ARHGAP32: variants seen among roughly 807,000 people sequenced by gnomAD.
ARHGAP32 encodes the protein Rho GTPase activating protein 32, also known as rho GTPase-activating protein 32.
A neutral mutation model predicts 186.5 loss-of-function variants in ARHGAP32; 51 were observed. That is an observed-to-expected ratio of 0.27 (90% CI 0.22 to 0.35). The LOEUF is 0.35. ARHGAP32 is among the 10% of genes least tolerant of loss of function. The probability of loss-of-function intolerance (pLI) is 1.00; values close to 1 mark genes in which losing one functional copy is unlikely to be tolerated. For synonymous variants in ARHGAP32, 950 were observed against 964.3 expected, an observed-to-expected ratio of 0.99 and a Z score of 0.27; for missense variants, 2,186 against 2,623.5, an observed-to-expected ratio of 0.83 and a Z score of 3.64.
chr11:129,223,725 A>G (rs1944743667), intron 1 of ARHGAP32, among the ~76,000 whole-genome samples: 1 of 152,218 alleles, frequency 6.6e-6, no homozygotes, highest in South Asian at 2.1e-4. Context: ...ATCCACAGCA[A>G]AACAAAAAGT....
chr11:129,124,974 A>G, intron 2 of ARHGAP32, 80 bp from the exon 3 acceptor site: 1 of 1,037,968 alleles, frequency 9.6e-7, no homozygotes, highest in African/African-American at 1.6e-5. Context: ...AATTTATGTT[A>G]ATAGTTCTGC....
In ARHGAP32 at chr11:128,969,485, G is replaced by A. The variant is rs1170742059; in HGVS notation, c.5728C>T (p.Pro1910Ser). The A allele has an allele frequency of 3.1e-6, 5 of 1,614,172 alleles. No homozygotes were observed. The South Asian group carries it at 3.3e-5, about 11-fold the overall frequency. The change falls in exon 23 of 23, where the codon CCT becomes TCT. Residue 1910 changes from proline (P) to serine (S), a missense_variant. Physicochemically the swap from Pro to Ser is moderately conservative, Grantham distance 74 (BLOSUM62 -1). This residue lies in a region of ARHGAP32 where 1,502 missense variants were observed against 1,570.0 expected (regional missense o/e 0.96). Coordinates refer to ENST00000682385, the MANE Select transcript of ARHGAP32 (RefSeq NM_001378024.1). This position sits in a 1 kb window ranked among gnomAD's most constrained non-coding sequence, Gnocchi z 4.8. ...RQFCESKNGP[P>S]YPQGAGQLDY... ...AACTGGCCAGCTCCCTGGGGATAAG[G>A]GGGCCCATTCTTTGACTCACAGAAC...
intron 1 of ARHGAP32, among the ~76,000 whole-genome samples, chr11:129,174,160 T>C (rs930278861): frequency 9.9e-5 from 15 of 152,284 alleles, no homozygotes; most frequent in African/African-American, 3.4e-4. Context: ...TTCCCTTTCC[T>C]AGTCAAAGAA....
chr11:129,204,811 C>T (rs1212438469), intron 1 of ARHGAP32, among the ~76,000 whole-genome samples: 1 of 152,162 alleles, frequency 6.6e-6, no homozygotes, highest in East Asian at 1.9e-4. Flanking sequence ...AAGCTAAATG[C>T]TGTACTTTTA....
At chr11:129,043,340 A>G (rs1939670506) in intron 10 of ARHGAP32, among the ~76,000 whole-genome samples, 1 of 150,566 alleles carries the variant, frequency 6.6e-6, no homozygotes, top group African/African-American at 2.4e-5. Flanking sequence ...CTTGTGGTAA[A>G]GGCTCTAACA....
chr11:129,185,026 C>T (rs183832995), intron 1 of ARHGAP32, among the ~76,000 whole-genome samples: 14 of 152,272 alleles, frequency 9.2e-5, no homozygotes, highest in Admixed American at 3.9e-4. Flanking sequence ...AGTTCAACCA[C>T]TGTGGAAGTA....
upstream of ARHGAP32, among the ~76,000 whole-genome samples, chr11:129,195,821 G>A (rs1944383818): frequency 6.6e-6 from 1 of 152,226 alleles, no homozygotes; most frequent in South Asian, 2.1e-4. Context: ...ACAGGTGATG[G>A]TTAACAGCGG....
At chr11:129,021,346 C>G (rs1174877469) in intron 11 of ARHGAP32, among the ~76,000 whole-genome samples, 23 of 152,096 alleles carry the variant, frequency 1.5e-4, no homozygotes, top group Non-Finnish European at 5.9e-5. Context: ...TCCAGCACAA[C>G]TCATGTTGAA....
Position 128,973,365 on chromosome 11 carries a change from T to C in ARHGAP32, c.3141A>G (p.Pro1047=), listed in dbSNP as rs1263833913. ...PVSSVSLIPP[P]PPPKNVARML... ...TTCGGGCAACATTTTTCGGAGGCGG[T>C]GGTGGTGGGATAAGAGAGACTGAAC... Residue 1047 remains proline, a synonymous_variant, in exon 22 of 23, where the codon CCA becomes CCG. Transcript: ENST00000682385. 6.2e-7 allele frequency: 1 copy of C among 1,613,642 alleles called. No individual in the cohort carries two copies. Among genetic ancestry groups the C allele is most frequent in the Non-Finnish European group, 8.5e-7 (1 of 1,179,948 alleles).
intron 2 of ARHGAP32, among the ~76,000 whole-genome samples, chr11:129,140,299 A>G (rs1020076709): frequency 2.0e-5 from 3 of 152,124 alleles, no homozygotes; most frequent in Non-Finnish European, 4.4e-5. Context: ...GCAGATGAGA[A>G]CCCAGCCCAG....
chr11:128,998,621 C>T (rs2134736129), intron 11 of ARHGAP32, among the ~76,000 whole-genome samples, 153 bp from the exon 12 acceptor site: 1 of 152,270 alleles, frequency 6.6e-6, no homozygotes, highest in African/African-American at 2.4e-5. Flanking sequence ...CAAGTTTAAG[C>T]TAAGAGTTGT....
At chr11:129,131,604 C>T (rs964191545) in intron 2 of ARHGAP32, among the ~76,000 whole-genome samples, 14 of 151,980 alleles carry the variant, frequency 9.2e-5, no homozygotes, top group Non-Finnish European at 2.9e-5. Context: ...CGTAAGAACT[C>T]GCTCACTATG....
chr11:129,098,441 C>T (rs549497477), intron 5 of ARHGAP32, among the ~76,000 whole-genome samples: 22 of 149,480 alleles, frequency 1.5e-4, no homozygotes, highest in East Asian at 9.8e-4. Context: ...TTTTTTGAGA[C>T]GGAGTCTTGC....
intron 2 of ARHGAP32, chr11:129,125,787 C>A: frequency 2.9e-6 from 1 of 345,750 alleles, no homozygotes. Flanking sequence ...TTCAATTTTC[C>A]TTTTTGAGGG....
At chr11:129,200,917 T>C (rs538345164) in intron 1 of ARHGAP32, among the ~76,000 whole-genome samples, 1 of 152,134 alleles carries the variant, frequency 6.6e-6, no homozygotes, top group Non-Finnish European at 1.5e-5. Context: ...ATATAATCAC[T>C]CTGTAATTTT....
chr11:129,231,979 T>C (rs895777936), intron 1 of ARHGAP32, among the ~76,000 whole-genome samples: 2 of 136,700 alleles, frequency 1.5e-5, no homozygotes, highest in Non-Finnish European at 3.0e-5. Context: ...GAAGTCATGA[T>C]TGCACCACTG....
At chr11:129,089,887 T>C (rs759664801) in intron 6 of ARHGAP32, among the ~76,000 whole-genome samples, 4 of 152,204 alleles carry the variant, frequency 2.6e-5, no homozygotes, top group Non-Finnish European at 5.9e-5. Flanking sequence ...CTTATGTCCT[T>C]GGAAGTCCCT....
At chr11:129,187,653 G>A (rs1338222941) in intron 1 of ARHGAP32, among the ~76,000 whole-genome samples, 1 of 151,990 alleles carries the variant, frequency 6.6e-6, no homozygotes, top group African/African-American at 2.4e-5. Flanking sequence ...AACATCTCAT[G>A]TACCCCATAA....
chr11:129,130,380 A>G (rs1942782852), intron 2 of ARHGAP32, among the ~76,000 whole-genome samples: 1 of 152,248 alleles, frequency 6.6e-6, no homozygotes, highest in East Asian at 1.9e-4. Flanking sequence ...TATTCTAAAA[A>G]TAAACACAAT....
Sources: allele counts gnomAD v4.1 joint callset (sites outside exome capture counted in the v4.1 genomes callset), GRCh38; gene constraint gnomAD v4.1.1; regional missense constraint gnomAD v4.1.1; non-coding constraint Gnocchi (gnomAD v3.1); transcripts MANE v1.5; gene names NCBI Gene and HGNC (gene_info 2026-07-23, HGNC 2026-07-21).